Variants in TMTC1 observed in about 807,000 individuals in gnomAD.
The protein encoded by TMTC1 is transmembrane O-mannosyltransferase targeting cadherins 1, also known as protein O-mannosyl-transferase TMTC1.
In TMTC1, 73 loss-of-function variants were observed where a neutral mutation model predicts 104.8. That is an observed-to-expected ratio of 0.70 (90% CI 0.58 to 0.85). The LOEUF (loss-of-function observed/expected upper bound fraction) is 0.85, where lower values mean the gene tolerates loss of function less well. TMTC1 is among the 40% of genes least tolerant of loss of function. The probability of loss-of-function intolerance (pLI) is 0.00; values close to 1 mark genes in which losing one functional copy is unlikely to be tolerated. For synonymous variants in TMTC1, 434 were observed against 428.7 expected (o/e 1.01, Z -0.15); for missense variants, 1,035 against 1,096.1 (o/e 0.94, Z 0.79).
intron 5 of TMTC1, among the ~76,000 whole-genome samples, chr12:29,695,667 C>T (rs932334038): frequency 3.3e-5 from 5 of 151,592 alleles, no homozygotes; most frequent in South Asian, 2.1e-4. Context: ...TAATACATTA[C>T]GATATAACCC....
At position 29,716,101 on chromosome 12, in the gene TMTC1, C is replaced by T. The variant is rs573299340; in HGVS notation, c.938+35565G>A. Among the ~76,000 whole-genome samples the T allele has an allele frequency of 4.0e-5, 6 of 151,710 alleles. No individual in the cohort carries two copies. In the South Asian group the frequency reaches 1.0e-3, roughly 26 times the overall value. On this transcript the variant is annotated intron_variant, in intron 5 of 17. Coordinates refer to ENST00000539277, the MANE Select transcript of TMTC1 (RefSeq NM_001193451.2). ...TGGCAAGATTATAACTTCCTGCAGC[C>T]TCGAAATCCTAGGCTCAGACCAACC...
chr12:29,678,706 G>A (rs1940813253), intron 5 of TMTC1, among the ~76,000 whole-genome samples: 1 of 151,662 alleles, frequency 6.6e-6, no homozygotes, highest in Non-Finnish European at 1.5e-5. Flanking sequence ...AAAAAGCAAG[G>A]AGAAATCTAT....
At chr12:29,723,547 C>A (rs1942297253) in intron 5 of TMTC1, among the ~76,000 whole-genome samples, 1 of 151,842 alleles carries the variant, frequency 6.6e-6, no homozygotes, top group African/African-American at 2.4e-5. Context: ...ATAGTGAGAC[C>A]CCATCTGTAC....
intron 5 of TMTC1, among the ~76,000 whole-genome samples, chr12:29,680,648 T>G (rs1170921152): frequency 1.3e-5 from 2 of 152,126 alleles, no homozygotes; most frequent in Non-Finnish European, 2.9e-5. Flanking sequence ...AAATACCTGA[T>G]GAGAGTGGTG....
intron 7 of TMTC1, among the ~76,000 whole-genome samples, chr12:29,603,143 G>A (rs1333722107): frequency 6.6e-6 from 1 of 152,066 alleles, no homozygotes; most frequent in Non-Finnish European, 1.5e-5. Context: ...AAATTGGGCT[G>A]AAGACACAGT....
chr12:29,611,717 A>G (rs1299635667), intron 6 of TMTC1, among the ~76,000 whole-genome samples: 2 of 152,242 alleles, frequency 1.3e-5, no homozygotes, highest in Non-Finnish European at 2.9e-5. Flanking sequence ...TGAAGACTAA[A>G]GAGATGGGGG....
chr12:29,718,552 G>A (rs1942146507), intron 5 of TMTC1, among the ~76,000 whole-genome samples: 1 of 152,164 alleles, frequency 6.6e-6, no homozygotes, highest in Admixed American at 6.5e-5. Flanking sequence ...GATTTCAGAT[G>A]CCATCCCATT....
At chr12:29,720,907 A>T (rs1942220089) in intron 5 of TMTC1, among the ~76,000 whole-genome samples, 1 of 152,186 alleles carries the variant, frequency 6.6e-6, no homozygotes, top group African/African-American at 2.4e-5. Flanking sequence ...AAAGTAGTCA[A>T]AGAGAAAACC....
chr12:29,506,999 AAG>A lies in TMTC1; in HGVS notation c.2509-15_2509-14del. On this transcript the variant is annotated splice_polypyrimidine_tract_variant and intron_variant, in intron 17 of 17. Coordinates refer to ENST00000539277, the MANE Select transcript of TMTC1 (RefSeq NM_001193451.2). ...ACACATATTTTCCCTGGGGGTGGGA[AAG>A]AGGGAGCAATTACATTCTGATCCAT... The A allele has an allele frequency of 6.2e-7, 1 of 1,610,900 alleles. No homozygotes were observed. Among genetic ancestry groups the A allele is most frequent in the African/African-American group, 1.3e-5 (1 of 74,978 alleles).
chr12:29,779,697 G>A (rs1462804059), intron 1 of TMTC1, among the ~76,000 whole-genome samples: 2 of 152,094 alleles, frequency 1.3e-5, no homozygotes, highest in Admixed American at 1.3e-4. Context: ...AAATATGTTT[G>A]GAGTATTGCA....
At chr12:29,535,792 C>T in intron 11 of TMTC1, 1 of 171,600 alleles carries the variant, frequency 5.8e-6, no homozygotes, top group Non-Finnish European at 1.2e-5. Context: ...GAGCCTCTCT[C>T]ACGAGCCTCT....
chr12:29,599,231 G>C (rs1252822562), intron 7 of TMTC1, among the ~76,000 whole-genome samples: 2 of 152,140 alleles, frequency 1.3e-5, no homozygotes, highest in Non-Finnish European at 2.9e-5. Context: ...AAAATTATAT[G>C]CTTCTGTTGG....
At chr12:29,742,196 C>T (rs962464479) in intron 5 of TMTC1, among the ~76,000 whole-genome samples, 2 of 152,190 alleles carry the variant, frequency 1.3e-5, no homozygotes, top group Non-Finnish European at 2.9e-5. Context: ...GCATGTCTAG[C>T]TCTTAACAAA....
rs1249487122 is a variant in TMTC1, at chr12:29,691,733, A to AG, written c.939-58398_939-58397insC. ...ACCCAAAAGTAGGAAAAAAAAAAAA[A>AG]AAAAACCTACTTCCCACAATGGTGT... On this transcript the variant is annotated intron_variant, in intron 5 of 17. Coordinates refer to ENST00000539277, the MANE Select transcript of TMTC1 (RefSeq NM_001193451.2). Among the ~76,000 whole-genome samples, 4 of 142,850 alleles carry AG rather than the reference A, an allele frequency of 2.8e-5. 1 individual carries two copies. Among genetic ancestry groups the AG allele is most frequent in the African/African-American group, 1.0e-4 (4 of 38,624 alleles). 93.7% of individuals were successfully genotyped at this position (142,850 alleles called of 152,430 possible).
intron 7 of TMTC1, among the ~76,000 whole-genome samples, chr12:29,603,776 C>T (rs901536538): frequency 3.9e-5 from 6 of 151,954 alleles, no homozygotes; most frequent in Non-Finnish European, 5.9e-5. Flanking sequence ...GAAAAAAGAA[C>T]GAACAAAAGA....
chr12:29,672,393 A>G (rs941290792), intron 5 of TMTC1, among the ~76,000 whole-genome samples: 1 of 152,208 alleles, frequency 6.6e-6, no homozygotes, highest in Non-Finnish European at 1.5e-5. Flanking sequence ...GTCATTTTGT[A>G]TTATAGATCA....
At chr12:29,774,436 C>G (rs1943663422) in intron 1 of TMTC1, among the ~76,000 whole-genome samples, 1 of 152,150 alleles carries the variant, frequency 6.6e-6, no homozygotes, top group Non-Finnish European at 1.5e-5. Context: ...ACATTCTTTT[C>G]CAAAGAAATA....
intron 6 of TMTC1, among the ~76,000 whole-genome samples, chr12:29,620,818 G>T (rs1937636451): frequency 6.6e-6 from 1 of 152,210 alleles, no homozygotes; most frequent in Non-Finnish European, 1.5e-5. Flanking sequence ...AAGGTGGCAG[G>T]TGGAGAAGCC....
intron 8 of TMTC1, 23 bp from the exon 9 acceptor site, chr12:29,572,241 A>G: frequency 6.4e-7 from 1 of 1,550,852 alleles, no homozygotes; most frequent in Non-Finnish European, 8.9e-7. Context: ...AATTTTTAAA[A>G]AGAATTATTT....
Sources: gnomAD v4.1 joint callset for allele counts (sites outside exome capture counted in the v4.1 genomes callset) on GRCh38, gnomAD v4.1.1 for gene constraint, MANE v1.5 for transcripts, NCBI Gene and HGNC (gene_info 2026-07-23, HGNC 2026-07-21) for gene names.